The following RIN2 variants were observed in gnomAD, a reference collection of about 807,000 sequenced individuals.
RIN2 encodes the protein RAB5 interacting protein 2.
A neutral mutation model predicts 78.0 loss-of-function variants in RIN2; 36 were observed. The observed-to-expected ratio is 0.46, with a 90% confidence interval of 0.35 to 0.61. The LOEUF (loss-of-function observed/expected upper bound fraction) is 0.61. RIN2 is among the 20% of genes least tolerant of loss of function. RIN2 has a pLI of 0.00. For missense variants in RIN2, 1,087 were observed against 1,159.7 expected (o/e 0.94, Z 0.91); for synonymous variants, 466 against 466.8 (o/e 1.00, Z 0.02).
intron 6 of RIN2, among the ~76,000 whole-genome samples, chr20:19,964,310 A>C (rs1293311032): frequency 1.3e-5 from 2 of 151,594 alleles, no homozygotes; most frequent in Non-Finnish European, 2.9e-5. Context: ...TAGTCTCGCT[A>C]TAATGCCCAG....
intron 11 of RIN2, among the ~76,000 whole-genome samples, chr20:19,996,210 A>T (rs2042957763): frequency 6.6e-6 from 1 of 152,178 alleles, no homozygotes; most frequent in Non-Finnish European, 1.5e-5. Context: ...GCCACTCGGG[A>T]GGCTGAGGTG....
At chr20:19,949,993 G>A (rs1233281091) in intron 4 of RIN2, among the ~76,000 whole-genome samples, 1 of 152,134 alleles carries the variant, frequency 6.6e-6, no homozygotes, top group African/African-American at 2.4e-5. Flanking sequence ...GACTAATGTT[G>A]GGCCATGGGA....
At chr20:19,848,524 G>C (rs1286451977) in intron 2 of RIN2, among the ~76,000 whole-genome samples, 1 of 109,842 alleles carries the variant, frequency 9.1e-6, no homozygotes, top group Admixed American at 1.2e-4. Context: ...GACAGAGCAA[G>C]ACTCCATCTC....
chr20:19,880,448 GCAGGA>G (rs1255835481), intron 2 of RIN2, among the ~76,000 whole-genome samples: 1 of 119,602 alleles, frequency 8.4e-6, no homozygotes, highest in East Asian at 2.9e-4. Flanking sequence ...TGTTACCCAA[GCAGGA>G]GTGCAGTTGC....
At chr20:19,817,919 T>C (rs2035811863) in intron 2 of RIN2, among the ~76,000 whole-genome samples, 1 of 152,226 alleles carries the variant, frequency 6.6e-6, no homozygotes. Context: ...TGAATTAAAA[T>C]AACGGTGAAG....
At position 19,978,159 on chromosome 20, in the gene RIN2, TA is replaced by T. The variant is rs922895666; in HGVS notation, c.1762+2383del. On this transcript the variant is annotated intron_variant, in intron 9 of 12. Transcript: ENST00000255006. ...CTTAAAAACTGGTCTATGTCTGCTT[TA>T]AAAAAAAAAATCTAGTTCTATCCTC... is the stretch of plus-strand genomic sequence containing the variant. Among the ~76,000 whole-genome samples, 47 of 148,690 alleles carry T rather than the reference TA, an allele frequency of 3.2e-4. 1 individual carries two copies. The highest frequency in any genetic ancestry group is 1.2e-3 in the East Asian group (6 of 5,102).
At chr20:19,964,882 T>G in intron 6 of RIN2, 70 bp from the exon 7 acceptor site, 1 of 1,267,682 alleles carries the variant, frequency 7.9e-7, no homozygotes. Context: ...ACACACATGG[T>G]GTTAGGGGCT....
intron 4 of RIN2, among the ~76,000 whole-genome samples, chr20:19,945,464 A>G (rs1194475273): frequency 2.0e-5 from 3 of 152,270 alleles, no homozygotes; most frequent in African/African-American, 4.8e-5. Flanking sequence ...ATCCAAGAGC[A>G]CTTTCCTGCC....
intron 4 of RIN2, among the ~76,000 whole-genome samples, chr20:19,942,902 T>G (rs2040938919): frequency 6.6e-6 from 1 of 152,256 alleles, no homozygotes; most frequent in Non-Finnish European, 1.5e-5. Flanking sequence ...TGGAGCTATT[T>G]TGTGCTCTGT....
At chr20:19,770,083 TGGTGTAATGAAG>T (rs1322572063) in intron 1 of RIN2, among the ~76,000 whole-genome samples, 1 of 152,210 alleles carries the variant, frequency 6.6e-6, no homozygotes, top group Non-Finnish European at 1.5e-5. Context: ...TCATGGAAGA[TGGTGTAATGAAG>T]GTATGAAAGG....
chr20:19,788,415 C>A (rs140313742), intron 1 of RIN2, among the ~76,000 whole-genome samples: 2 of 102,306 alleles, frequency 2.0e-5, no homozygotes, highest in Non-Finnish European at 3.6e-5. Flanking sequence ...GCCAACATGG[C>A]GAAATCCTGT....
At chr20:19,830,658 T>C (rs868303539) in intron 2 of RIN2, among the ~76,000 whole-genome samples, 10 of 152,234 alleles carry the variant, frequency 6.6e-5, no homozygotes, top group Non-Finnish European at 1.3e-4. Flanking sequence ...GTTGCTAAAA[T>C]GAATGCAGTA....
intron 1 of RIN2, among the ~76,000 whole-genome samples, chr20:19,786,562 C>T (rs1054731937): frequency 6.6e-6 from 1 of 152,208 alleles, no homozygotes. Context: ...CAGAACAACC[C>T]AGCCAAGCCC....
chr20:19,890,729 C>T (rs1380559911), intron 3 of RIN2, among the ~76,000 whole-genome samples: 1 of 113,860 alleles, frequency 8.8e-6, no homozygotes, highest in African/African-American at 3.5e-5. Context: ...GCTGATAAAG[C>T]AAAGTTCATG....
intron 7 of RIN2, among the ~76,000 whole-genome samples, chr20:19,965,723 C>T (rs541591175): frequency 4.6e-5 from 7 of 152,246 alleles, no homozygotes; most frequent in South Asian, 2.1e-4. Context: ...GCAATTCTCC[C>T]GACTCAGCCT....
chr20:19,832,788 G>A (rs1285405065), intron 2 of RIN2, among the ~76,000 whole-genome samples: 1 of 152,142 alleles, frequency 6.6e-6, no homozygotes, highest in East Asian at 1.9e-4. Flanking sequence ...CTGTCCTCAT[G>A]CAGCAGAAGG....
chr20:19,831,698 G>A (rs942081191), intron 2 of RIN2, among the ~76,000 whole-genome samples: 23 of 152,278 alleles, frequency 1.5e-4, no homozygotes, highest in African/African-American at 4.3e-4. Context: ...GCAAACATTC[G>A]TTGAGCAGGT....
At chr20:19,903,326 C>T (rs1470629022) in intron 3 of RIN2, among the ~76,000 whole-genome samples, 4 of 152,052 alleles carry the variant, frequency 2.6e-5, no homozygotes, top group Admixed American at 6.6e-5. Flanking sequence ...GCCATTTCGT[C>T]GTTTTTGTGG....
At chr20:19,870,385 G>A (rs2037653777) in intron 2 of RIN2, among the ~76,000 whole-genome samples, 1 of 152,142 alleles carries the variant, frequency 6.6e-6, no homozygotes, top group African/African-American at 2.4e-5. Context: ...AGTGGCTCAA[G>A]CCTGTAATCC....
Sources: allele counts gnomAD v4.1 joint callset (sites outside exome capture counted in the v4.1 genomes callset), GRCh38; gene constraint gnomAD v4.1.1; transcripts MANE v1.5; gene names NCBI Gene and HGNC (gene_info 2026-07-23, HGNC 2026-07-21).